RYR2: variants seen among roughly 807,000 people sequenced by gnomAD.
RYR2 encodes the protein ryanodine receptor 2.
In RYR2, 227 loss-of-function variants were observed where a neutral mutation model predicts 601.1. The ratio of observed to expected loss-of-function variants is 0.38; its 90% CI spans 0.34 to 0.42. The LOEUF (loss-of-function observed/expected upper bound fraction) is 0.42. Among genes scored for constraint, RYR2 ranks in the 10% least tolerant of loss-of-function variants. The probability of loss-of-function intolerance (pLI) is 1.00; values close to 1 mark genes in which losing one functional copy is unlikely to be tolerated. For missense variants in RYR2, 4,646 were observed against 6,156.5 expected (o/e 0.75, Z 8.21); for synonymous variants, 2,223 against 2,175.1 (o/e 1.02, Z -0.61).
intron 2 of RYR2, among the ~76,000 whole-genome samples, chr1:237,321,729 A>T (rs1695643263): frequency 6.6e-6 from 1 of 152,220 alleles, no homozygotes; most frequent in Non-Finnish European, 1.5e-5. Flanking sequence ...GCTGCTGATT[A>T]GTTAGGGCAG....
intron 32 of RYR2, among the ~76,000 whole-genome samples, 173 bp from the exon 33 acceptor site, chr1:237,593,303 A>C (rs1192556323): frequency 6.6e-6 from 1 of 152,188 alleles, no homozygotes; most frequent in Non-Finnish European, 1.5e-5. Flanking sequence ...GACGTTTCTT[A>C]GTTTGTAGTG....
intron 1 of RYR2, among the ~76,000 whole-genome samples, chr1:237,244,550 C>A (rs547161575): frequency 6.6e-6 from 1 of 152,146 alleles, no homozygotes; most frequent in East Asian, 1.9e-4. Flanking sequence ...GTAAAGGTCA[C>A]TCCTGATGGA....
At chr1:237,414,742 G>C (rs559639614) in intron 10 of RYR2, among the ~76,000 whole-genome samples, 1 of 152,280 alleles carries the variant, frequency 6.6e-6, no homozygotes, top group South Asian at 2.1e-4. Context: ...CTATGGTCAT[G>C]CTATAGTGCT....
At chr1:237,380,443 G>A (rs1396587044) in intron 8 of RYR2, among the ~76,000 whole-genome samples, 1 of 113,932 alleles carries the variant, frequency 8.8e-6, no homozygotes, top group African/African-American at 3.4e-5. Flanking sequence ...AGTCTGGTGA[G>A]TATGAACCTG....
chr1:237,518,283 A>C (rs1437990073), intron 24 of RYR2, among the ~76,000 whole-genome samples: 2 of 152,090 alleles, frequency 1.3e-5, no homozygotes, highest in African/African-American at 4.8e-5. Flanking sequence ...AATTGTACAA[A>C]TTTACAGGGT....
chr1:237,610,695 A>T lies in RYR2; in HGVS notation c.4684-67A>T. ...CTGTCTCTGTCCTGTGCAGAATTCT[A>T]GTCATTACTTTGTGAACCCCAAGGG... is the stretch of plus-strand genomic sequence containing the variant. On this transcript the variant is annotated intron_variant, in intron 35 of 104. Coordinates refer to ENST00000366574, the MANE Select transcript of RYR2 (RefSeq NM_001035.3). This position sits in a 1 kb window ranked among gnomAD's most constrained non-coding sequence, Gnocchi z 4.9. 7.9e-7 allele frequency: 1 copy of T among 1,272,014 alleles called. No individual in the cohort carries two copies. The highest frequency in any genetic ancestry group is 1.1e-6 in the Non-Finnish European group (1 of 907,428). 78.8% of individuals were successfully genotyped at this position (1,272,014 alleles called of 1,614,324 possible).
chr1:237,549,948 A>G (rs1670214367), intron 26 of RYR2, among the ~76,000 whole-genome samples: 1 of 152,104 alleles, frequency 6.6e-6, no homozygotes. Context: ...ACACATTTTA[A>G]CCACAGTTTA....
chr1:237,249,264 CA>C (rs1217807368), intron 1 of RYR2, among the ~76,000 whole-genome samples: 1 of 152,042 alleles, frequency 6.6e-6, no homozygotes, highest in Non-Finnish European at 1.5e-5. Flanking sequence ...CATTTTCCTT[CA>C]AGATTTGTCT....
intron 80 of RYR2, among the ~76,000 whole-genome samples, chr1:237,747,832 A>G (rs2149233763): frequency 6.6e-6 from 1 of 152,328 alleles, no homozygotes; most frequent in Non-Finnish European, 1.5e-5. Context: ...CCTTATATCA[A>G]GAAAATTTAT....
intron 80 of RYR2, among the ~76,000 whole-genome samples, chr1:237,753,438 C>T (rs1692695432): frequency 6.6e-6 from 1 of 152,146 alleles, no homozygotes; most frequent in South Asian, 2.1e-4. Flanking sequence ...TTACAAACTT[C>T]AGTTATAACC....
At chr1:237,359,543 T>C (rs1226699542) in intron 4 of RYR2, among the ~76,000 whole-genome samples, 1 of 152,190 alleles carries the variant, frequency 6.6e-6, no homozygotes, top group African/African-American at 2.4e-5. Flanking sequence ...TAAATATATA[T>C]GAAAATTAAA....
rs770657610 is a variant in RYR2 at position 237,678,092 on chromosome 1, G to C, written c.8875G>C (p.Glu2959Gln). 1.3e-6 allele frequency: 2 copies of C among 1,599,068 alleles called. No homozygotes were observed. Among genetic ancestry groups the C allele is most frequent in the Non-Finnish European group, 1.7e-6 (2 of 1,168,102 alleles). The change falls in exon 61 of 105, where the codon GAA (glutamate) becomes CAA (glutamine). Residue 2959 changes from glutamate to glutamine, a missense_variant. By Grantham distance (29) the Glu-to-Gln change is conservative. Transcript: ENST00000366574. ...GKGEHFPYEQ[E>Q]IKFFAKVVLP... ...AGGAGAACATTTCCCTTATGAACAA[G>C]AAATCAAGTTCTTTGCAAAAGTACA...
chr1:237,377,509 T>C (rs1259962135), intron 8 of RYR2, 74 bp downstream of exon 8: 1 of 1,098,436 alleles, frequency 9.1e-7, no homozygotes, highest in Non-Finnish European at 1.4e-6. Context: ...CTCTTTAAGG[T>C]TTATATTGTA....
chr1:237,808,827 G>A lies in RYR2; in HGVS notation c.14299-74G>A, dbSNP rs184954820. 715 of 1,450,428 alleles carry A rather than the reference G, an allele frequency of 4.9e-4. 8 individuals carry two copies. The Admixed American group carries it at 9.8e-3, about 20-fold the overall frequency. 89.8% of individuals were successfully genotyped at this position (1,450,428 alleles called of 1,614,324 possible). ...CTGTGTTCTCACTAGAGCACTCGCC[G>A]CCCATGTAGATGTCACGTGTCAATT... On this transcript the variant is annotated intron_variant, in intron 99 of 104. Transcript: ENST00000366574.
intron 17 of RYR2, among the ~76,000 whole-genome samples, chr1:237,485,687 A>G (rs549141486): frequency 6.2e-4 from 94 of 152,312 alleles, no homozygotes; most frequent in African/African-American, 2.2e-3. Flanking sequence ...TGCTGATCCC[A>G]TTCCTTGGAA....
chr1:237,520,444 T>C (rs1177739074), intron 24 of RYR2, among the ~76,000 whole-genome samples: 2 of 152,218 alleles, frequency 1.3e-5, no homozygotes, highest in Non-Finnish European at 2.9e-5. Context: ...GTGAGATTGT[T>C]GTATATGGCC....
intron 25 of RYR2, among the ~76,000 whole-genome samples, chr1:237,535,720 T>C (rs1668550013): frequency 6.6e-6 from 1 of 152,146 alleles, no homozygotes; most frequent in Non-Finnish European, 1.5e-5. Context: ...AACAACTCAG[T>C]AGTGTATTAA....
chr1:237,148,907 A>C (rs974502134), intron 1 of RYR2, among the ~76,000 whole-genome samples: 3 of 151,868 alleles, frequency 2.0e-5, no homozygotes, highest in African/African-American at 7.3e-5. Context: ...TTTGACCTCT[A>C]TTTTTCAGAT....
chr1:237,422,823 G>T (rs143073371), intron 11 of RYR2, among the ~76,000 whole-genome samples: 3 of 152,130 alleles, frequency 2.0e-5, no homozygotes, highest in Non-Finnish European at 4.4e-5. Context: ...AGAATAGGGC[G>T]CTGTGTGGAT....
Sources: allele counts gnomAD v4.1 joint callset (sites outside exome capture counted in the v4.1 genomes callset), GRCh38; gene constraint gnomAD v4.1.1; non-coding constraint Gnocchi (gnomAD v3.1); transcripts MANE v1.5; gene names NCBI Gene and HGNC (gene_info 2026-07-23, HGNC 2026-07-21).